Variants in SHOC2 observed in about 807,000 individuals in gnomAD.
The protein encoded by SHOC2 is leucine-rich repeat protein SHOC-2.
Under a neutral mutation model 50.2 loss-of-function variants are expected in SHOC2, and 4 were observed. The ratio of observed to expected loss-of-function variants is 0.08; its 90% confidence interval spans 0.04 to 0.18. The LOEUF (loss-of-function observed/expected upper bound fraction) is 0.18. Among genes scored for constraint, SHOC2 ranks in the 10% least tolerant of loss-of-function variants. The pLI, the probability that SHOC2 is intolerant of heterozygous loss-of-function variation, is 1.00. For synonymous variants in SHOC2, 218 were observed against 244.5 expected, an observed-to-expected ratio of 0.89 and a Z score of 1.01; for missense variants, 388 against 669.6, an observed-to-expected ratio of 0.58 and a Z score of 4.64.
Position 111,011,858 on chromosome 10 carries a change from T to C in SHOC2, c.*40T>C. On this transcript the variant is annotated 3_prime_UTR_variant, in exon 9 of 9. Transcript: ENST00000369452. ...TCCCACACACTGTTCAAAAATAGACTGCCATTAATGTTTCTTATCTATATC... is the reference window on the plus strand; with the variant it reads ...TCCCACACACTGTTCAAAAATAGACCGCCATTAATGTTTCTTATCTATATC... The C allele has an allele frequency of 6.9e-7, 1 of 1,448,564 alleles. No homozygotes were observed. The highest frequency in any genetic ancestry group is 9.7e-7 in the Non-Finnish European group (1 of 1,029,612). 89.7% of individuals were successfully genotyped at this position (1,448,564 alleles called of 1,614,324 possible).
intron 8 of SHOC2, 78 bp downstream of exon 8, chr10:111,009,908 A>G (rs1189521047): frequency 2.4e-6 from 2 of 847,636 alleles, no homozygotes; most frequent in Non-Finnish European, 4.1e-6. Flanking sequence ...GATAAATATG[A>G]CAAATCTATT....
intron 3 of SHOC2, 151 bp from the exon 4 acceptor site, chr10:111,000,264 G>A (rs1848345495): frequency 4.4e-6 from 3 of 674,630 alleles, no homozygotes; most frequent in Non-Finnish European, 7.8e-6. Flanking sequence ...CTAATTGATA[G>A]TGTAGTGTGA....
At chr10:110,993,683 A>G (rs1203634188) in intron 3 of SHOC2, among the ~76,000 whole-genome samples, 2 of 152,060 alleles carry the variant, frequency 1.3e-5, no homozygotes, top group Non-Finnish European at 2.9e-5. Flanking sequence ...TTATTTTGTA[A>G]TTTTTAAATT....
chr10:110,985,431 A>G (rs1848059161), intron 2 of SHOC2, among the ~76,000 whole-genome samples, 197 bp from the exon 3 acceptor site: 1 of 152,056 alleles, frequency 6.6e-6, no homozygotes, highest in African/African-American at 2.4e-5. Flanking sequence ...TACAGAAAAA[A>G]GAAGTTTTTA....
intron 1 of SHOC2, among the ~76,000 whole-genome samples, chr10:110,925,545 C>T (rs1380831376): frequency 6.6e-6 from 1 of 152,188 alleles, no homozygotes; most frequent in African/African-American, 2.4e-5. Flanking sequence ...CAGCCCTGAC[C>T]TCCCTGGGCT....
chr10:110,929,451 T>G (rs1450436505), intron 1 of SHOC2, among the ~76,000 whole-genome samples: 1 of 152,252 alleles, frequency 6.6e-6, no homozygotes, highest in Non-Finnish European at 1.5e-5. Flanking sequence ...ATATCAAAGC[T>G]TCTGATGTGG....
intron 3 of SHOC2, among the ~76,000 whole-genome samples, chr10:110,987,691 A>G (rs553758852): frequency 4.6e-5 from 7 of 152,296 alleles, no homozygotes; most frequent in South Asian, 4.1e-4. Context: ...TTTAAAATCT[A>G]TTGAAATGGC....
At chr10:110,940,554 T>C (rs1486141628) in intron 1 of SHOC2, among the ~76,000 whole-genome samples, 2 of 152,216 alleles carry the variant, frequency 1.3e-5, no homozygotes, top group African/African-American at 2.4e-5. Flanking sequence ...TTTATAGTTA[T>C]ACAATTTTAT....
chr10:110,955,779 AGAAATT>A (rs1426630475), intron 1 of SHOC2, among the ~76,000 whole-genome samples: 1 of 152,256 alleles, frequency 6.6e-6, no homozygotes, highest in Non-Finnish European at 1.5e-5. Flanking sequence ...GTCCTAGAGT[AGAAATT>A]GAAATATGAG....
chr10:110,924,538 TA>T (rs1343713860), intron 1 of SHOC2, among the ~76,000 whole-genome samples: 56 of 152,316 alleles, frequency 3.7e-4, no homozygotes, highest in African/African-American at 1.3e-3. Flanking sequence ...AGACTTCGAT[TA>T]AAGCTTGTAT....
intron 1 of SHOC2, among the ~76,000 whole-genome samples, chr10:110,942,112 A>G (rs923979948): frequency 6.7e-5 from 9 of 134,288 alleles, no homozygotes; most frequent in Admixed American, 2.5e-4. Context: ...TGTGATTTTG[A>G]TTCATCATAC....
intron 1 of SHOC2, among the ~76,000 whole-genome samples, chr10:110,941,827 G>A (rs967500374): frequency 2.6e-5 from 4 of 151,686 alleles, no homozygotes; most frequent in East Asian, 1.9e-4. Context: ...TTTTGCCTAC[G>A]AATTACTAGT....
chr10:110,934,957 T>C (rs1005970582), intron 1 of SHOC2, among the ~76,000 whole-genome samples: 1 of 152,196 alleles, frequency 6.6e-6, no homozygotes, highest in African/African-American at 2.4e-5. Flanking sequence ...TTCTACCCAG[T>C]TTCTGCTCCT....
At chr10:110,939,450 C>T (rs969947891) in intron 1 of SHOC2, among the ~76,000 whole-genome samples, 3 of 152,054 alleles carry the variant, frequency 2.0e-5, no homozygotes, top group Non-Finnish European at 4.4e-5. Flanking sequence ...GAACTTCTGG[C>T]CTCAACCAAT....
At chr10:110,935,357 C>T (rs1286691920) in intron 1 of SHOC2, among the ~76,000 whole-genome samples, 1 of 152,162 alleles carries the variant, frequency 6.6e-6, no homozygotes, top group Non-Finnish European at 1.5e-5. Flanking sequence ...TATATTAGCC[C>T]ATTTGCTATA....
At chr10:110,994,557 C>A (rs1469622866) in intron 3 of SHOC2, among the ~76,000 whole-genome samples, 1 of 152,006 alleles carries the variant, frequency 6.6e-6, no homozygotes, top group African/African-American at 2.4e-5. Flanking sequence ...AAACACTTTA[C>A]AATGGTTAAA....
intron 1 of SHOC2, among the ~76,000 whole-genome samples, chr10:110,957,946 C>T (rs985183060): frequency 3.3e-5 from 5 of 152,150 alleles, no homozygotes; most frequent in African/African-American, 9.7e-5. Context: ...CTGTATGTAA[C>T]TGGAGATGAT....
At position 110,940,910 on chromosome 10, in the gene SHOC2, G is replaced by GGTTTTTTTTTTT. The variant is rs1564705752; in HGVS notation, c.-235+21253_-235+21254insGTTTTTTTTTTT. ...GACAAAATAGTGGTATTTGTGGTGG[G>GGTTTTTTTTTTT]TTTTTTTTTTTTTTTTTTTTTTTTT... On this transcript the variant is annotated intron_variant, in intron 1 of 8. Transcript: ENST00000369452. Among the ~76,000 whole-genome samples, 18 of 119,502 alleles carry GGTTTTTTTTTTT rather than the reference G, an allele frequency of 1.5e-4. 6 individuals are homozygous for GGTTTTTTTTTTT. Among genetic ancestry groups the GGTTTTTTTTTTT allele is most frequent in the African/African-American group, 3.5e-4 (11 of 31,416 alleles). 78.4% of individuals were successfully genotyped at this position (119,502 alleles called of 152,430 possible). A position where few individuals can be genotyped will look rare whatever the true frequency, so the allele number is the denominator to read the frequency against.
At chr10:110,990,697 C>T (rs1252874961) in intron 3 of SHOC2, among the ~76,000 whole-genome samples, 2 of 151,976 alleles carry the variant, frequency 1.3e-5, no homozygotes, top group Admixed American at 6.6e-5. Flanking sequence ...TCCCCTTCCA[C>T]ACTGTGGAAG....
Sources: allele counts gnomAD v4.1 joint callset (sites outside exome capture counted in the v4.1 genomes callset), GRCh38; gene constraint gnomAD v4.1.1; transcripts MANE v1.5; gene names NCBI Gene and HGNC (gene_info 2026-07-23, HGNC 2026-07-21).